The following UGT1A7 variants were observed in gnomAD, a reference collection of about 807,000 sequenced individuals.
UGT1A7 encodes the protein UDP-glucuronosyltransferase 1A7.
UGT1A7 carries 33 observed loss-of-function variants against 45.6 expected under a neutral mutation model. That is an observed-to-expected ratio of 0.72 (90% confidence interval 0.55 to 0.97). The LOEUF is 0.97. Ranked by LOEUF, UGT1A7 falls within the 50% of genes least tolerant of loss-of-function variation. UGT1A7 has a pLI of 0.00. For missense variants in UGT1A7, 684 were observed against 666.2 expected, an observed-to-expected ratio of 1.03 and a Z score of -0.29; for synonymous variants, 274 against 250.6, an observed-to-expected ratio of 1.09 and a Z score of -0.88.
At position 233,735,860 on chromosome 2, in the gene UGT1A7, G is replaced by A. The variant is rs189938280; in HGVS notation, c.856-31174G>A. ...GCCCCCACTCTCTTCTGTCTTGTAG[G>A]GTTTCTGCAGAGAGATCTGCTGTTA... On this transcript the variant is annotated intron_variant, in intron 1 of 4. Coordinates refer to ENST00000373426, the MANE Select transcript of UGT1A7 (RefSeq NM_019077.3). Among the ~76,000 whole-genome samples the A allele has an allele frequency of 7.9e-5, 12 of 151,742 alleles. No individual in the cohort carries two copies. The East Asian group carries it at 1.9e-3, about 24-fold the overall frequency.
At chr2:233,742,178 A>T (rs1317325763) in intron 1 of UGT1A7, among the ~76,000 whole-genome samples, 1 of 151,940 alleles carries the variant, frequency 6.6e-6, no homozygotes, top group Non-Finnish European at 1.5e-5. Context: ...AGAAATATAG[A>T]GTGTGGAGTG....
chr2:233,729,547 C>A (rs529213131), intron 1 of UGT1A7: 1 of 1,614,168 alleles, frequency 6.2e-7, no homozygotes, highest in South Asian at 1.1e-5. Flanking sequence ...GATCAGGCAC[C>A]TGAATGCTAC....
chr2:233,721,701 C>A (rs2125683705), intron 1 of UGT1A7: 13 of 362,480 alleles, frequency 3.6e-5, no homozygotes, highest in South Asian at 2.9e-4. Context: ...ACGCATGGCT[C>A]ATCTTGGATG....
chr2:233,753,848 G>C (rs1695327702), intron 1 of UGT1A7, among the ~76,000 whole-genome samples: 1 of 152,148 alleles, frequency 6.6e-6, no homozygotes, highest in African/African-American at 2.4e-5. Context: ...GTATATCATT[G>C]ACCAACCACA....
rs2126030462 is a variant in UGT1A7 at position 233,767,128 on chromosome 2, T to C, written c.950T>C (p.Met317Thr). The change falls in exon 2 of 5, where the codon ATG (methionine) becomes ACG (threonine). Residue 317 changes from methionine to threonine, a missense_variant. Transcript: ENST00000373426. Reference protein sequence around the residue: ...MVSEIPEKKAMAIADALGKIP... With the variant: ...MVSEIPEKKATAIADALGKIP... ...TCAGAAATTCCAGAGAAGAAAGCTA[T>C]GGCAATTGCTGATGCTTTGGGCAAA... 1 of 1,614,150 alleles carries C rather than the reference T, an allele frequency of 6.2e-7. No individual in the cohort carries two copies. The highest frequency in any genetic ancestry group is 1.3e-5 in the African/African-American group (1 of 75,052).
At chr2:233,685,599 A>G (rs959386041) in intron 1 of UGT1A7, among the ~76,000 whole-genome samples, 2 of 152,200 alleles carry the variant, frequency 1.3e-5, no homozygotes, top group Non-Finnish European at 2.9e-5. Context: ...CCTCCCTCCA[A>G]GATTATTTAT....
At chr2:233,748,721 A>G (rs555676494) in intron 1 of UGT1A7, among the ~76,000 whole-genome samples, 1 of 151,762 alleles carries the variant, frequency 6.6e-6, no homozygotes, top group East Asian at 1.9e-4. Context: ...CTGGTGCATG[A>G]TGTGGGGACA....
chr2:233,709,781 G>A (rs2076092056), intron 1 of UGT1A7, among the ~76,000 whole-genome samples: 1 of 152,082 alleles, frequency 6.6e-6, no homozygotes, highest in South Asian at 2.1e-4. Flanking sequence ...GCAATAAAGT[G>A]CACCGTTTTA....
intron 1 of UGT1A7, chr2:233,693,652 G>T (rs762827824): frequency 8.1e-6 from 13 of 1,614,184 alleles, no homozygotes; most frequent in African/African-American, 1.3e-5. Context: ...TTGTTAATTT[G>T]TTGGAGCCCT....
chr2:233,690,405 C>A, intron 1 of UGT1A7: 2 of 1,185,150 alleles, frequency 1.7e-6, no homozygotes, highest in Non-Finnish European at 2.2e-6. Flanking sequence ...CTATTCCCAA[C>A]ATGAAATTAC....
rs986724636 is a variant in UGT1A7 at position 233,682,888 on chromosome 2, A to G, written c.855+96A>G. On this transcript the variant is annotated intron_variant, in intron 1 of 4. Transcript: ENST00000373426. Reference sequence around the variant, plus strand: ...ATAATTTATCATTTACATTTGTCCCATTTGGAATTTCTTTCTGGTTTAAGG... The same window carrying G: ...ATAATTTATCATTTACATTTGTCCCGTTTGGAATTTCTTTCTGGTTTAAGG... 1.2e-5 allele frequency: 18 copies of G among 1,508,748 alleles called. No individual in the cohort carries two copies. In the African/African-American group the frequency reaches 2.5e-4, roughly 21 times the overall value. 93.5% of individuals were successfully genotyped at this position (1,508,748 alleles called of 1,614,324 possible). A position where few individuals can be genotyped will look rare whatever the true frequency, so the allele number is the denominator to read the frequency against.
intron 1 of UGT1A7, among the ~76,000 whole-genome samples, chr2:233,765,933 G>C (rs1285596589): frequency 2.6e-5 from 4 of 152,108 alleles, no homozygotes; most frequent in African/African-American, 9.7e-5. Flanking sequence ...CGGGCAGGTT[G>C]TGGGGCTCTG....
At chr2:233,751,660 A>C (rs1210914952) in intron 1 of UGT1A7, among the ~76,000 whole-genome samples, 4 of 152,204 alleles carry the variant, frequency 2.6e-5, no homozygotes, top group Admixed American at 6.5e-5. Flanking sequence ...CATCCTACTG[A>C]GTGAGTTCTA....
chr2:233,733,096 G>A (rs2078355938), intron 1 of UGT1A7, among the ~76,000 whole-genome samples: 1 of 152,018 alleles, frequency 6.6e-6, no homozygotes, highest in Non-Finnish European at 1.5e-5. Flanking sequence ...TTCACTCATG[G>A]TTTGGCTCTG....
chr2:233,682,354 G>C lies in UGT1A7; in HGVS notation c.417G>C (p.Glu139Asp), dbSNP rs114052958. ...NDRKLVEYLK[E>D]SCFDAVFLDP... ...GAAAATTAGTAGAATACTTAAAGGA[G>C]AGTTGTTTTGATGCAGTGTTTCTCG... Residue 139 changes from glutamate (E) to aspartate (D), a missense_variant, in exon 1 of 5, where the codon GAG becomes GAC. Coordinates refer to ENST00000373426, the MANE Select transcript of UGT1A7 (RefSeq NM_019077.3). 2.0e-3 allele frequency: 3,285 copies of C among 1,614,052 alleles called. 33 individuals are homozygous for C. In the African/African-American group the frequency reaches 0.03, roughly 15 times the overall value.
At chr2:233,693,627 G>T in intron 1 of UGT1A7, 2 of 1,614,182 alleles carry the variant, frequency 1.2e-6, no homozygotes, top group Non-Finnish European at 1.7e-6. Context: ...TTTTCCCAAC[G>T]AGTGGCCAAC....
intron 1 of UGT1A7, chr2:233,691,866 A>G (rs45464992): frequency 3.3e-3 from 526 of 157,150 alleles, no homozygotes; most frequent in Non-Finnish European, 5.4e-3. Context: ...TATAATAAGA[A>G]ATATATGTTT....
In UGT1A7 at chr2:233,743,982, C is replaced by T. The variant is rs6735370; in HGVS notation, c.856-23052C>T. The T allele has an allele frequency of 7.7e-4, 997 of 1,297,112 alleles. 32 individuals carry two copies. The African/African-American group carries it at 0.014, about 18-fold the overall frequency. 80.4% of individuals were successfully genotyped at this position (1,297,112 alleles called of 1,614,324 possible). On this transcript the variant is annotated intron_variant, in intron 1 of 4. Coordinates refer to ENST00000373426, the MANE Select transcript of UGT1A7 (RefSeq NM_019077.3). ...AGCGGCAAGGCTGCCAGCACCCAGG[C>T]GCAGGCCCGAGTGCTCGGAGACCTG...
intron 1 of UGT1A7, among the ~76,000 whole-genome samples, chr2:233,736,167 C>T (rs1159152421): frequency 6.6e-6 from 1 of 152,232 alleles, no homozygotes; most frequent in Non-Finnish European, 1.5e-5. Context: ...TAGATTTGGT[C>T]TTTCCACATA....
Sources: allele counts gnomAD v4.1 joint callset (sites outside exome capture counted in the v4.1 genomes callset), GRCh38; gene constraint gnomAD v4.1.1; transcripts MANE v1.5; gene names NCBI Gene and HGNC (gene_info 2026-07-23, HGNC 2026-07-21).